ANKRD52: variants seen among roughly 807,000 people sequenced by gnomAD.
ANKRD52 encodes the protein serine/threonine-protein phosphatase 6 regulatory ankyrin repeat subunit C.
A neutral mutation model predicts 116.0 loss-of-function variants in ANKRD52; 7 were observed. That is an observed-to-expected ratio of 0.06 (90% CI 0.03 to 0.11). The LOEUF is 0.11. Ranked by LOEUF, ANKRD52 falls within the 10% of genes least tolerant of loss-of-function variation. The pLI, the probability that ANKRD52 is intolerant of heterozygous loss-of-function variation, is 1.00. For synonymous variants in ANKRD52, 528 were observed against 578.1 expected (o/e 0.91, Z 1.24); for missense variants, 839 against 1,408.6 (o/e 0.60, Z 6.47).
Position 56,252,347 on chromosome 12 carries a change from G to C in ANKRD52, c.1371-32C>G. On this transcript the variant is annotated intron_variant, in intron 13 of 27. Coordinates refer to ENST00000267116, the MANE Select transcript of ANKRD52 (RefSeq NM_173595.4). The surrounding 1 kb of genome is among the most constrained non-coding windows in gnomAD (Gnocchi z 4.7). The stretch of plus-strand genomic sequence containing the variant: ...AAGAAGTGAAGGAGGGTGGGGAAGA[G>C]AATCAGAGACAGATACGAATGCAAT... 6.2e-7 allele frequency: 1 copy of C among 1,611,996 alleles called. No homozygotes were observed. Among genetic ancestry groups the C allele is most frequent in the Non-Finnish European group, 8.5e-7 (1 of 1,178,314 alleles).
chr12:56,251,971 T>C, intron 15 of ANKRD52, 44 bp downstream of exon 15: 3 of 1,592,012 alleles, frequency 1.9e-6, no homozygotes, highest in Non-Finnish European at 2.6e-6. Context: ...AGAGCTTGCA[T>C]GGGTTGGGGA....
In ANKRD52 at chr12:56,244,383, C is replaced by G; in HGVS notation, c.2775G>C (p.Lys925Asn). 1 of 1,614,002 alleles carries G rather than the reference C, an allele frequency of 6.2e-7. No individual in the cohort carries two copies. Among genetic ancestry groups the G allele is most frequent in the Non-Finnish European group, 8.5e-7 (1 of 1,179,884 alleles). The change falls in exon 25 of 28, where the codon AAG becomes AAC. Residue 925 changes from lysine to asparagine, a missense_variant. Coordinates refer to ENST00000267116, the MANE Select transcript of ANKRD52 (RefSeq NM_173595.4). The surrounding 1 kb of genome is among the most constrained non-coding windows in gnomAD (Gnocchi z 4.9). ...KADLTVLDEN[K>N]NTALHLACSK... ...TACAAGCCAAGTGGAGGGCCGTGTT[C>G]TTGTTCTCATCCAACACAGTAAGGT... is the stretch of plus-strand genomic sequence containing the variant.
At position 56,241,724 on chromosome 12, in the gene ANKRD52, C is replaced by A; in HGVS notation, c.*1418G>T. 1 of 347,352 alleles carries A rather than the reference C, an allele frequency of 2.9e-6. No homozygotes were observed. The highest frequency in any genetic ancestry group is 5.2e-6 in the Non-Finnish European group (1 of 193,906). The allele number at this position is 347,352 out of a possible 1,614,324, so 21.5% of individuals were successfully genotyped here. A position where few individuals can be genotyped will look rare whatever the true frequency, so the allele number is the denominator to read the frequency against. ...GGAACACTGGGCTGCAGGAGTGGGT[C>A]CAACTGTCCAGGAGGCTGCACTAGG... On this transcript the variant is annotated 3_prime_UTR_variant, in exon 28 of 28. Transcript: ENST00000267116.
In ANKRD52 at chr12:56,248,239, G is replaced by A; in HGVS notation, c.1777-15C>T. 1 of 1,612,838 alleles carries A rather than the reference G, an allele frequency of 6.2e-7. No individual in the cohort carries two copies. Among genetic ancestry groups the A allele is most frequent in the East Asian group, 2.2e-5 (1 of 44,884 alleles). On this transcript the variant is annotated splice_polypyrimidine_tract_variant and intron_variant, in intron 17 of 27. Coordinates refer to ENST00000267116, the MANE Select transcript of ANKRD52 (RefSeq NM_173595.4). This position sits in a 1 kb window ranked among gnomAD's most constrained non-coding sequence, Gnocchi z 5.1. Reference sequence around the variant, plus strand: ...CCGTTGTAGGCCTGGCAAGGTGCAGGCAACCAGTGCACACAGCTCGGGACC... The same window carrying A: ...CCGTTGTAGGCCTGGCAAGGTGCAGACAACCAGTGCACACAGCTCGGGACC...
At chr12:56,250,052 C>T (rs1192775528) in intron 15 of ANKRD52, among the ~76,000 whole-genome samples, 1 of 151,774 alleles carries the variant, frequency 6.6e-6, no homozygotes, top group African/African-American at 2.4e-5. Flanking sequence ...AAACAATTAG[C>T]TGGGCGTGGT....
chr12:56,243,921 T>C lies in ANKRD52; in HGVS notation c.2889-45A>G. On this transcript the variant is annotated intron_variant, in intron 26 of 27. Coordinates refer to ENST00000267116, the MANE Select transcript of ANKRD52 (RefSeq NM_173595.4). This position sits in a 1 kb window ranked among gnomAD's most constrained non-coding sequence, Gnocchi z 4.6. Reference sequence around the variant, plus strand: ...AAGGAGCTTGATGCTAAGCTGCCCTTCCACCTCCAGACAGGGTGGCAAGGG... The same window carrying C: ...AAGGAGCTTGATGCTAAGCTGCCCTCCCACCTCCAGACAGGGTGGCAAGGG... 6.3e-7 allele frequency: 1 copy of C among 1,594,390 alleles called. No individual in the cohort carries two copies. The highest frequency in any genetic ancestry group is 8.5e-7 in the Non-Finnish European group (1 of 1,169,726).
intron 21 of ANKRD52, 26 bp from the exon 22 acceptor site, chr12:56,245,216 G>A (rs1394196227): frequency 6.2e-7 from 1 of 1,613,068 alleles, no homozygotes; most frequent in South Asian, 1.1e-5. Context: ...GAAGAGTAGT[G>A]ATGGAGAAAA....
Position 56,253,130 on chromosome 12 carries a change from C to T in ANKRD52, c.1101-44G>A. 1 of 1,495,964 alleles carries T rather than the reference C, an allele frequency of 6.7e-7. No individual in the cohort carries two copies. The highest frequency in any genetic ancestry group is 2.4e-5 in the East Asian group (1 of 41,804). The allele number at this position is 1,495,964 out of a possible 1,614,324, so 92.7% of individuals were successfully genotyped here. A position where few individuals can be genotyped will look rare whatever the true frequency, so the allele number is the denominator to read the frequency against. ...ACTCAGTCCTTGGGTCAAGGAGGGA[C>T]CAAGTAAGACCTCTTCTGTGACCTA... is the stretch of plus-strand genomic sequence containing the variant. On this transcript the variant is annotated intron_variant, in intron 10 of 27. Coordinates refer to ENST00000267116, the MANE Select transcript of ANKRD52 (RefSeq NM_173595.4). The surrounding 1 kb of genome is among the most constrained non-coding windows in gnomAD (Gnocchi z 5.5).
At chr12:56,249,837 C>T (rs1379378186) in intron 15 of ANKRD52, among the ~76,000 whole-genome samples, 2 of 152,142 alleles carry the variant, frequency 1.3e-5, no homozygotes, top group African/African-American at 2.4e-5. Context: ...CTCGGGAGTT[C>T]AAGACCAGCC....
chr12:56,254,050 C>T lies in ANKRD52; in HGVS notation c.906+17G>A, dbSNP rs771482333. On this transcript the variant is annotated intron_variant, in intron 8 of 27. Transcript: ENST00000267116. This position sits in a 1 kb window ranked among gnomAD's most constrained non-coding sequence, Gnocchi z 4.6. ...AGTTTCGCTCCCCACTGGTCTAAGC[C>T]TTATCCCTTCAGGCACCTGGTAGTT... 3.7e-6 allele frequency: 6 copies of T among 1,610,706 alleles called. No individual in the cohort carries two copies. The highest frequency in any genetic ancestry group is 1.3e-5 in the African/African-American group (1 of 74,784).
At position 56,254,874 on chromosome 12, in the gene ANKRD52, C is replaced by T; in HGVS notation, c.541G>A (p.Ala181Thr). 1 of 1,612,824 alleles carries T rather than the reference C, an allele frequency of 6.2e-7. No individual in the cohort carries two copies. Among genetic ancestry groups the T allele is most frequent in the Non-Finnish European group, 8.5e-7 (1 of 1,178,842 alleles). ...KKERQPLHWAAFLGHLEVLKL... is the reference protein window; with the variant it reads ...KKERQPLHWATFLGHLEVLKL... Reference sequence around the variant, plus strand: ...GTGTATTCTCTCTCACCTAGAAAAGCTGCCCAATGCAGAGGCTGCCGCTCC... The same window carrying T: ...GTGTATTCTCTCTCACCTAGAAAAGTTGCCCAATGCAGAGGCTGCCGCTCC... The change falls in exon 6 of 28, where the codon GCT (alanine) becomes ACT (threonine). Residue 181 changes from alanine to threonine, a missense_variant. Ala to Thr is a moderately conservative substitution (Grantham distance 58, BLOSUM62 0). This residue lies in a region of ANKRD52 where 287 missense variants were observed against 598.1 expected (regional missense o/e 0.48). Coordinates refer to ENST00000267116, the MANE Select transcript of ANKRD52 (RefSeq NM_173595.4). This position sits in a 1 kb window ranked among gnomAD's most constrained non-coding sequence, Gnocchi z 4.6.
In ANKRD52 at chr12:56,240,446, A is replaced by G. The variant is rs1474978199; in HGVS notation, c.*2696T>C. ...TTTTCACAAAAGTGCTTATTACTTG[A>G]AGCAAGTGCTTTAGGGCTGCGGTGG... On this transcript the variant is annotated 3_prime_UTR_variant, in exon 28 of 28. Transcript: ENST00000267116. This position sits in a 1 kb window ranked among gnomAD's most constrained non-coding sequence, Gnocchi z 4.2. 1 of 151,892 alleles carries G rather than the reference A, an allele frequency of 6.6e-6. No individual in the cohort carries two copies. The highest frequency in any genetic ancestry group is 1.5e-5 in the Non-Finnish European group (1 of 67,968). 9.4% of individuals were successfully genotyped at this position (151,892 alleles called of 1,614,324 possible).
intron 4 of ANKRD52, 60 bp from the exon 5 acceptor site, chr12:56,256,044 G>A: frequency 6.7e-7 from 1 of 1,498,110 alleles, no homozygotes. Context: ...AACAGGAAAT[G>A]GAAGGAGGAA....
chr12:56,253,418 CA>C lies in ANKRD52; in HGVS notation c.986-17del, dbSNP rs1396141473. On this transcript the variant is annotated splice_polypyrimidine_tract_variant and intron_variant, in intron 9 of 27. Coordinates refer to ENST00000267116, the MANE Select transcript of ANKRD52 (RefSeq NM_173595.4). This position sits in a 1 kb window ranked among gnomAD's most constrained non-coding sequence, Gnocchi z 5.5. ...ATCTCGCTGCCTGTGAGGGGATGCA[CA>C]CACACAAGCTCAGGCAGACCTCAGG... The C allele has an allele frequency of 6.3e-7, 1 of 1,596,168 alleles. No homozygotes were observed. Among genetic ancestry groups the C allele is most frequent in the East Asian group, 2.2e-5 (1 of 44,810 alleles).
chr12:56,253,864 C>T lies in ANKRD52; in HGVS notation c.907-64G>A. 1 of 1,534,974 alleles carries T rather than the reference C, an allele frequency of 6.5e-7. No individual in the cohort carries two copies. The highest frequency in any genetic ancestry group is 9.0e-7 in the Non-Finnish European group (1 of 1,111,226). ...TCCAGTGCAAAGCACAGAGAATGCC[C>T]TACCTCCCTTCCAAGGACATATCTC... On this transcript the variant is annotated intron_variant, in intron 8 of 27. Transcript: ENST00000267116. This position sits in a 1 kb window ranked among gnomAD's most constrained non-coding sequence, Gnocchi z 5.5.
In ANKRD52 at chr12:56,255,669, A is replaced by G; in HGVS notation, c.462+115T>C. The G allele has an allele frequency of 1.1e-6, 1 of 948,362 alleles. No homozygotes were observed. The highest frequency in any genetic ancestry group is 1.6e-6 in the Non-Finnish European group (1 of 636,512). 58.7% of individuals were successfully genotyped at this position (948,362 alleles called of 1,614,324 possible). ...TTAGTGCTTCAGCTTAAGTGTTTAT[A>G]TAACCATCCGGGCTGCTTCTCCTTC... On this transcript the variant is annotated intron_variant, in intron 5 of 27. Transcript: ENST00000267116. The surrounding 1 kb of genome is among the most constrained non-coding windows in gnomAD (Gnocchi z 4.3).
In ANKRD52 at chr12:56,244,740, C is replaced by T; in HGVS notation, c.2634G>A (p.Leu878=). ...TGGCGTTCACCTCAGCTTGATGCTG[C>T]AGCAGCATCCGGAGCCCAGAGACAT... ...ADNVSGLRML[L]QHQAEVNATD... is the part of the protein sequence containing the mutation. The change falls in exon 24 of 28, where the codon CTG becomes CTA. Residue 878 remains leucine, a synonymous_variant. Coordinates refer to ENST00000267116, the MANE Select transcript of ANKRD52 (RefSeq NM_173595.4). The surrounding 1 kb of genome is among the most constrained non-coding windows in gnomAD (Gnocchi z 4.9). 2 of 1,613,868 alleles carry T rather than the reference C, an allele frequency of 1.2e-6. No individual in the cohort carries two copies. The highest frequency in any genetic ancestry group is 1.7e-6 in the Non-Finnish European group (2 of 1,179,896).
At chr12:56,258,212 G>C (rs748976712) in intron 1 of ANKRD52, 31 bp downstream of exon 1, 1 of 1,597,052 alleles carries the variant, frequency 6.3e-7, no homozygotes, top group South Asian at 1.1e-5. Flanking sequence ...AGCCCTGGAA[G>C]GAGGAAGCGG....
rs534360883 is a variant in ANKRD52, at chr12:56,244,199, T to G, written c.2806-66A>C. On this transcript the variant is annotated intron_variant, in intron 25 of 27. Transcript: ENST00000267116. The surrounding 1 kb of genome is among the most constrained non-coding windows in gnomAD (Gnocchi z 4.9). ...AATGTGGCAGGGTGCAGGGCAGGAG[T>G]TGGGGAGAGTAACAGGAGGACAAAC... 20 of 1,578,118 alleles carry G rather than the reference T, an allele frequency of 1.3e-5. 1 individual carries two copies. The East Asian group carries it at 4.3e-4, about 34-fold the overall frequency.
Sources: allele counts gnomAD v4.1 joint callset (sites outside exome capture counted in the v4.1 genomes callset), GRCh38; gene constraint gnomAD v4.1.1; regional missense constraint gnomAD v4.1.1; non-coding constraint Gnocchi (gnomAD v3.1); transcripts MANE v1.5; gene names NCBI Gene and HGNC (gene_info 2026-07-23, HGNC 2026-07-21).